NDST1: variants seen among roughly 807,000 people sequenced by gnomAD.
NDST1 encodes N-deacetylase and N-sulfotransferase 1.
NDST1 carries 35 observed loss-of-function variants against 92.8 expected under a neutral mutation model. That is an observed-to-expected ratio of 0.38 (90% confidence interval 0.29 to 0.50). NDST1 has a LOEUF of 0.50. Ranked by LOEUF, NDST1 falls within the 20% of genes least tolerant of loss-of-function variation. NDST1 has a pLI of 0.94. For synonymous variants in NDST1, 493 were observed against 500.3 expected (o/e 0.99, Z 0.19); for missense variants, 822 against 1,182.7 (o/e 0.69, Z 4.47).
At chr5:150,541,490 G>A (rs754426852) in intron 8 of NDST1, 80 bp from the exon 9 acceptor site, 104 of 1,253,392 alleles carry the variant, frequency 8.3e-5, no homozygotes, top group Non-Finnish European at 1.1e-4. Flanking sequence ...TGGGCTGTAA[G>A]GGCCACATAT....
intron 3 of NDST1, among the ~76,000 whole-genome samples, chr5:150,531,832 G>A (rs1042638830): frequency 9.2e-5 from 14 of 151,964 alleles, no homozygotes; most frequent in Non-Finnish European, 1.3e-4. Context: ...TTTGTGGCTC[G>A]TGTGTCCTAA....
chr5:150,535,083 C>T, intron 5 of NDST1, 62 bp downstream of exon 5: 1 of 1,564,980 alleles, frequency 6.4e-7, no homozygotes, highest in Non-Finnish European at 8.7e-7. Flanking sequence ...GAGGTCCAGA[C>T]TGCTGGCCTC....
rs142389851 is a variant in NDST1, at chr5:150,544,994, G to A, written c.1971-318G>A. On this transcript the variant is annotated intron_variant, in intron 10 of 14. Transcript: ENST00000261797. ...GCAGTTAAGCCTGGAGCAGCTGAGG[G>A]GGCGGGATCCTAGAGTTTAGGATTG... is the stretch of plus-strand genomic sequence containing the variant. Among the ~76,000 whole-genome samples the A allele has an allele frequency of 4.4e-3, 669 of 152,296 alleles. 1 individual carries two copies. Among genetic ancestry groups the A allele is most frequent in the Middle Eastern group, 6.8e-3 (2 of 294 alleles).
rs369675001 is a variant in NDST1 at position 150,535,662 on chromosome 5, C to A, written c.1252-38C>A. ...GGGGATAAGGCCCAAAGGGGAAGGA[C>A]CCCTATGCTCACCCTGGCCTGGTCA... On this transcript the variant is annotated intron_variant, in intron 5 of 14. Transcript: ENST00000261797. 5.1e-4 allele frequency: 815 copies of A among 1,611,458 alleles called. 12 individuals are homozygous for A. In the South Asian group the frequency reaches 8.1e-3, roughly 16 times the overall value.
rs200272650 is a variant in NDST1, at chr5:150,521,789, C to T, written c.513+22C>T. 12 of 1,610,716 alleles carry T rather than the reference C, an allele frequency of 7.5e-6. No individual in the cohort carries two copies. The highest frequency in any genetic ancestry group is 2.7e-5 in the African/African-American group (2 of 75,018). ...CAAGGTACACAAGAAGCAGGGTCCC[C>T]GAGCAGTTCAGAGCCCCCTCTGCAG... On this transcript the variant is annotated intron_variant, in intron 2 of 14. Transcript: ENST00000261797. The surrounding 1 kb of genome is among the most constrained non-coding windows in gnomAD (Gnocchi z 5.9).
In NDST1 at chr5:150,520,870, T is replaced by C; in HGVS notation, c.-385T>C. 1 of 469,892 alleles carries C rather than the reference T, an allele frequency of 2.1e-6. No individual in the cohort carries two copies. The highest frequency in any genetic ancestry group is 3.7e-6 in the Non-Finnish European group (1 of 268,192). 29.1% of individuals were successfully genotyped at this position (469,892 alleles called of 1,614,324 possible). A position where few individuals can be genotyped will look rare whatever the true frequency, so the allele number is the denominator to read the frequency against. On this transcript the variant is annotated splice_region_variant and 5_prime_UTR_variant, in exon 2 of 15. Coordinates refer to ENST00000261797, the MANE Select transcript of NDST1 (RefSeq NM_001543.5). ...CCTGTTCTCTCCACTCTCCACAGCC[T>C]TAGCCCCGTGGGCCCCACGGAGTGA...
rs142640627 is a variant in NDST1, at chr5:150,553,997, C to T, written c.*665C>T. The T allele has an allele frequency of 8.1e-5, 33 of 407,270 alleles. No individual in the cohort carries two copies. Among genetic ancestry groups the T allele is most frequent in the Non-Finnish European group, 9.1e-5 (21 of 230,146 alleles). The allele number at this position is 407,270 out of a possible 1,614,324, so 25.2% of individuals were successfully genotyped here. ...GGGCCTTGGGGCACTGCCTTGCCAT[C>T]GGGCCCAGTTCTCCGGGCCCCACCT... is the stretch of plus-strand genomic sequence containing the variant. On this transcript the variant is annotated 3_prime_UTR_variant, in exon 15 of 15. Coordinates refer to ENST00000261797, the MANE Select transcript of NDST1 (RefSeq NM_001543.5). The surrounding 1 kb of genome is among the most constrained non-coding windows in gnomAD (Gnocchi z 4.2).
intron 2 of NDST1, among the ~76,000 whole-genome samples, chr5:150,525,176 G>A (rs1220947167): frequency 6.6e-6 from 1 of 152,218 alleles, no homozygotes; most frequent in African/African-American, 2.4e-5. Context: ...CCACTGCTGT[G>A]GGGTGAGGCC....
chr5:150,522,938 G>A (rs894632859), intron 2 of NDST1, among the ~76,000 whole-genome samples: 3 of 152,256 alleles, frequency 2.0e-5, no homozygotes, highest in Non-Finnish European at 4.4e-5. Context: ...CTTGGTGTGA[G>A]CCAGGAGAGG....
At chr5:150,551,970 A>G in intron 14 of NDST1, 115 bp downstream of exon 14, 4 of 1,497,688 alleles carry the variant, frequency 2.7e-6, no homozygotes, top group Middle Eastern at 1.7e-4. Context: ...TGGCCTTAGC[A>G]TTTCTTGGAC....
At chr5:150,509,089 A>T (rs1753597449) in intron 1 of NDST1, among the ~76,000 whole-genome samples, 3 of 152,002 alleles carry the variant, frequency 2.0e-5, no homozygotes, top group Non-Finnish European at 4.4e-5. Flanking sequence ...GATGACTGGG[A>T]GGGAAGGACT....
rs1407796858 is a variant in NDST1, at chr5:150,548,349, C to A, written c.2277C>A (p.Thr759=). Residue 759 remains threonine, a synonymous_variant, in exon 12 of 15, where the codon ACC becomes ACA. Transcript: ENST00000261797. ...GCCTGGTCCCTGGCTGGTACGCCAC[C>A]CACATCGAGCGCTGGCTCAGTGCCT... ...NRCLVPGWYA[T]HIERWLSAYH... 6.2e-7 allele frequency: 1 copy of A among 1,613,670 alleles called. No individual in the cohort carries two copies. Among genetic ancestry groups the A allele is most frequent in the Non-Finnish European group, 8.5e-7 (1 of 1,180,020 alleles).
At chr5:150,513,519 AG>A (rs1480128759) in intron 1 of NDST1, among the ~76,000 whole-genome samples, 1 of 152,226 alleles carries the variant, frequency 6.6e-6, no homozygotes, top group Non-Finnish European at 1.5e-5. Flanking sequence ...GGCTAGCTCC[AG>A]TCTCGGCCTT....
chr5:150,551,702 G>A, intron 13 of NDST1, 51 bp from the exon 14 acceptor site: 1 of 1,602,218 alleles, frequency 6.2e-7, no homozygotes, highest in Non-Finnish European at 8.5e-7. Flanking sequence ...TTTAAGGTCG[G>A]AAGTGGGTGG....
At chr5:150,516,850 G>A (rs1037878692) in intron 1 of NDST1, among the ~76,000 whole-genome samples, 35 of 152,148 alleles carry the variant, frequency 2.3e-4, no homozygotes, top group African/African-American at 6.5e-4. Flanking sequence ...ATTTTTAGTG[G>A]AGATGGGGTT....
intron 3 of NDST1, among the ~76,000 whole-genome samples, chr5:150,530,514 T>G (rs1216677900): frequency 1.3e-5 from 2 of 151,856 alleles, no homozygotes; most frequent in East Asian, 3.9e-4. Flanking sequence ...TGTGTTCCTA[T>G]AAGCCCTGAA....
At chr5:150,532,470 C>T (rs1189780435) in intron 3 of NDST1, among the ~76,000 whole-genome samples, 2 of 152,152 alleles carry the variant, frequency 1.3e-5, no homozygotes, top group East Asian at 1.9e-4. Context: ...CAGAGCCCCA[C>T]GCTCAGAGGG....
Position 150,520,923 on chromosome 5 carries a change from C to T in NDST1, c.-332C>T. The stretch of plus-strand genomic sequence containing the variant: ...GGCATGCAGCACCCCCGGGCCTGTC[C>T]AGTGTCCTCTGGCCTGCTGCCCTGC... On this transcript the variant is annotated 5_prime_UTR_variant, in exon 2 of 15. Coordinates refer to ENST00000261797, the MANE Select transcript of NDST1 (RefSeq NM_001543.5). The T allele has an allele frequency of 1.9e-6, 1 of 526,656 alleles. No homozygotes were observed. Among genetic ancestry groups the T allele is most frequent in the South Asian group, 3.2e-5 (1 of 30,844 alleles). 32.6% of individuals were successfully genotyped at this position (526,656 alleles called of 1,614,324 possible).
rs765977881 is a variant in NDST1 at position 150,553,180 on chromosome 5, T to C, written c.2530-33T>C. 38 of 1,607,482 alleles carry C rather than the reference T, an allele frequency of 2.4e-5. No homozygotes were observed. Among genetic ancestry groups the C allele is most frequent in the Non-Finnish European group, 3.1e-5 (37 of 1,175,636 alleles). ...TTAGAGGAGGTCACTCTTAAGTCAGTACACAAGGTCTGAGCTTTCCTTCCC... is the reference window on the plus strand; with the variant it reads ...TTAGAGGAGGTCACTCTTAAGTCAGCACACAAGGTCTGAGCTTTCCTTCCC... On this transcript the variant is annotated intron_variant, in intron 14 of 14. Coordinates refer to ENST00000261797, the MANE Select transcript of NDST1 (RefSeq NM_001543.5). This position sits in a 1 kb window ranked among gnomAD's most constrained non-coding sequence, Gnocchi z 4.2.
Sources: allele counts gnomAD v4.1 joint callset (sites outside exome capture counted in the v4.1 genomes callset), GRCh38; gene constraint gnomAD v4.1.1; non-coding constraint Gnocchi (gnomAD v3.1); transcripts MANE v1.5; gene names NCBI Gene and HGNC (gene_info 2026-07-23, HGNC 2026-07-21).